Variants in SPAM1 observed in about 807,000 individuals in gnomAD.
The protein encoded by SPAM1 is sperm adhesion molecule 1, also known as hyaluronidase PH-20.
Under a neutral mutation model 29.6 loss-of-function variants are expected in SPAM1, and 22 were observed. That is an observed-to-expected ratio of 0.74 (90% CI 0.53 to 1.06). The LOEUF (loss-of-function observed/expected upper bound fraction) is 1.06. Among genes scored for constraint, SPAM1 ranks in the 50% least tolerant of loss-of-function variants. SPAM1 has a pLI of 0.00. For missense variants in SPAM1, 534 were observed against 604.0 expected, an observed-to-expected ratio of 0.88 and a Z score of 1.21; for synonymous variants, 194 against 204.6, an observed-to-expected ratio of 0.95 and a Z score of 0.44.
At chr7:123,945,795 C>A (rs936586936) in intron 1 of SPAM1, among the ~76,000 whole-genome samples, 1 of 151,900 alleles carries the variant, frequency 6.6e-6, no homozygotes, top group Non-Finnish European at 1.5e-5. Flanking sequence ...AGAAACCAAG[C>A]CCCTGTTTTT....
At chr7:123,938,954 A>G (rs1367647111) in intron 1 of SPAM1, among the ~76,000 whole-genome samples, 1 of 151,844 alleles carries the variant, frequency 6.6e-6, no homozygotes, top group Non-Finnish European at 1.5e-5. Context: ...TTATAGTGGG[A>G]TGTTGGATTG....
chr7:123,949,105 ACTC>A (rs1353272060), intron 1 of SPAM1, among the ~76,000 whole-genome samples: 1 of 151,778 alleles, frequency 6.6e-6, no homozygotes, highest in African/African-American at 2.4e-5. Context: ...TCAATCATCA[ACTC>A]CTCTTCCTTG....
chr7:123,954,604 G>T, intron 3 of SPAM1, 80 bp downstream of exon 3: 2 of 979,316 alleles, frequency 2.0e-6, no homozygotes, highest in Non-Finnish European at 3.0e-6. Context: ...TTTTTGAAGG[G>T]AGTGAAATCT....
intron 1 of SPAM1, among the ~76,000 whole-genome samples, chr7:123,928,726 C>G (rs1167297561): frequency 2.6e-5 from 4 of 152,084 alleles, no homozygotes; most frequent in Non-Finnish European, 5.9e-5. Context: ...GAAAATGGGT[C>G]CTCTGAGGAA....
intron 5 of SPAM1, among the ~76,000 whole-genome samples, chr7:123,965,408 T>A (rs1248905565): frequency 6.6e-6 from 1 of 152,076 alleles, no homozygotes; most frequent in African/African-American, 2.4e-5. Flanking sequence ...TTGTCTAGAT[T>A]TTCTTCTAGG....
intron 1 of SPAM1, among the ~76,000 whole-genome samples, chr7:123,943,089 T>G (rs1024185188): frequency 6.6e-6 from 1 of 152,184 alleles, no homozygotes; most frequent in African/African-American, 2.4e-5. Context: ...AAAGAAAAGT[T>G]TTTCTTACCT....
chr7:123,943,487 G>A (rs1808489813), intron 1 of SPAM1, among the ~76,000 whole-genome samples: 1 of 152,052 alleles, frequency 6.6e-6, no homozygotes, highest in Non-Finnish European at 1.5e-5. Context: ...CATATGCTAA[G>A]ATGTATTAGA....
chr7:123,947,716 A>C (rs1212906755), intron 1 of SPAM1: 1 of 152,156 alleles, frequency 6.6e-6, no homozygotes, highest in Non-Finnish European at 1.5e-5. Flanking sequence ...TAAATACTGC[A>C]GAGCTAATAG....
At position 123,954,396 on chromosome 7, in the gene SPAM1, C is replaced by A. The variant is rs1408455978; in HGVS notation, c.826C>A (p.Leu276Ile). The change falls in exon 3 of 5, where the codon CTC becomes ATC. Residue 276 changes from leucine (L) to isoleucine (I), a missense_variant. Leu to Ile is a conservative substitution (Grantham distance 5). Transcript: ENST00000682466. ...NTQQSPVAAT[L>I]YVRNRVREAI... Reference sequence around the variant, plus strand: ...TCAGCAGTCTCCTGTAGCTGCTACACTCTATGTGCGCAATCGAGTTCGGGA... The same window carrying A: ...TCAGCAGTCTCCTGTAGCTGCTACAATCTATGTGCGCAATCGAGTTCGGGA... 1 of 1,613,502 alleles carries A rather than the reference C, an allele frequency of 6.2e-7. No individual in the cohort carries two copies. The highest frequency in any genetic ancestry group is 8.5e-7 in the Non-Finnish European group (1 of 1,179,666).
chr7:123,944,284 A>C (rs1473814523), intron 1 of SPAM1, among the ~76,000 whole-genome samples: 1 of 152,088 alleles, frequency 6.6e-6, no homozygotes, highest in Non-Finnish European at 1.5e-5. Flanking sequence ...TCGGTTTTTA[A>C]GATTTAGCAA....
chr7:123,935,410 A>G (rs954120681), intron 1 of SPAM1, among the ~76,000 whole-genome samples: 8 of 152,208 alleles, frequency 5.3e-5, no homozygotes, highest in Non-Finnish European at 1.2e-4. Flanking sequence ...CATATTTTAC[A>G]GTTTAAAATA....
At chr7:123,966,325 G>C (rs1051202094) in intron 5 of SPAM1, among the ~76,000 whole-genome samples, 2 of 152,046 alleles carry the variant, frequency 1.3e-5, no homozygotes, top group East Asian at 3.9e-4. Context: ...GTTGGGGAGT[G>C]TGCAAATTAG....
chr7:123,932,950 C>T (rs1314958665), intron 1 of SPAM1, among the ~76,000 whole-genome samples: 3 of 152,036 alleles, frequency 2.0e-5, no homozygotes, highest in Non-Finnish European at 4.4e-5. Flanking sequence ...AGTAACCTTC[C>T]TCTACTTCCT....
rs111754670 is a variant in SPAM1, at chr7:123,970,219, C to T, written c.1507C>T (p.Gln503Ter). The change falls in exon 6 of 7, where the codon CAA (glutamine) becomes TAA (stop). Residue 503 changes from glutamine (Q) to a stop codon, truncating the protein, a stop_gained. Coordinates refer to the SPAM1 transcript ENST00000340011. LOFTEE classifies it high-confidence loss of function. Reference sequence around the variant, plus strand: ...ACAGTGGAGGCTGGAAGTCTGGGATCAAGGTATTAGCAGAATTGGTTTCTT... The same window carrying T: ...ACAGTGGAGGCTGGAAGTCTGGGATTAAGGTATTAGCAGAATTGGTTTCTT... 251 of 1,549,104 alleles carry T rather than the reference C, an allele frequency of 1.6e-4. No individual in the cohort carries two copies. In the African/African-American group the frequency reaches 2.7e-3, roughly 17 times the overall value.
chr7:123,970,611 T>TAATAATAATA (rs1554432387), intron 6 of SPAM1, among the ~76,000 whole-genome samples: 2,715 of 102,060 alleles, frequency 0.027, 66 homozygotes, highest in African/African-American at 0.089. Context: ...TAATAATAAT[T>TAATAATAATA]ATTATTATTA....
intron 5 of SPAM1, among the ~76,000 whole-genome samples, chr7:123,967,530 G>C (rs952703997): frequency 7.2e-5 from 11 of 151,894 alleles, no homozygotes; most frequent in African/African-American, 2.7e-4. Flanking sequence ...TAGGTATGCT[G>C]ATAATTTTAA....
At chr7:123,962,534 AT>A (rs1158745003), downstream of SPAM1, among the ~76,000 whole-genome samples, 31 of 151,730 alleles carry the variant, frequency 2.0e-4, no homozygotes, top group Non-Finnish European at 1.0e-4. Context: ...CCATTTGCCT[AT>A]TTTTGTTTTT....
downstream of SPAM1, among the ~76,000 whole-genome samples, chr7:123,964,007 A>G (rs1792391769): frequency 6.6e-6 from 1 of 151,824 alleles, no homozygotes; most frequent in Non-Finnish European, 1.5e-5. Flanking sequence ...TAAGGTTTAT[A>G]TTTGAAATAT....
At chr7:123,948,869 A>T (rs896731354) in intron 1 of SPAM1, among the ~76,000 whole-genome samples, 1 of 152,030 alleles carries the variant, frequency 6.6e-6, no homozygotes, top group East Asian at 1.9e-4. Flanking sequence ...GTCTTGACTG[A>T]CTTCTATATC....
Sources: gnomAD v4.1 joint callset for allele counts (sites outside exome capture counted in the v4.1 genomes callset) on GRCh38, gnomAD v4.1.1 for gene constraint, MANE v1.5 for transcripts, NCBI Gene and HGNC (gene_info 2026-07-23, HGNC 2026-07-21) for gene names.